Variants in AFF1 observed in about 807,000 individuals in gnomAD.
AFF1 encodes ALF transcription elongation factor 1, also known as AF4/FMR2 family member 1.
AFF1 carries 48 observed loss-of-function variants against 121.7 expected under a neutral mutation model. The ratio of observed to expected loss-of-function variants is 0.39; its 90% CI spans 0.31 to 0.50. The LOEUF is 0.50. AFF1 is among the 20% of genes least tolerant of loss of function. The pLI, the probability that AFF1 is intolerant of heterozygous loss-of-function variation, is 0.76. For missense variants in AFF1, 1,523 were observed against 1,511.7 expected, an observed-to-expected ratio of 1.01 and a Z score of -0.12; for synonymous variants, 613 against 563.0, an observed-to-expected ratio of 1.09 and a Z score of -1.26.
Position 87,036,842 on chromosome 4 carries a change from C to G in AFF1, c.39-9324C>G, listed in dbSNP as rs368479451. ...TCTCTCTCTCCCCTCCCCCATCCCC[C>G]CTTTTTTTGAGACGGCTTCTTGCTC... On this transcript the variant is annotated intron_variant, in intron 2 of 20. Transcript: ENST00000395146. 3.2e-5 allele frequency: 16 copies of G among 500,436 alleles called. No individual in the cohort carries two copies. In the Middle Eastern group the frequency reaches 9.6e-4, roughly 30 times the overall value. 31.0% of individuals were successfully genotyped at this position (500,436 alleles called of 1,614,324 possible).
chr4:86,939,052 G>A (rs1181089481), intron 1 of AFF1, among the ~76,000 whole-genome samples: 1 of 152,160 alleles, frequency 6.6e-6, no homozygotes, highest in Non-Finnish European at 1.5e-5. Flanking sequence ...CTAATACCGC[G>A]TAAGTATTGA....
At chr4:87,098,331 GTTAGTGCAA>G (rs1395343062) in intron 8 of AFF1, among the ~76,000 whole-genome samples, 1 of 152,210 alleles carries the variant, frequency 6.6e-6, no homozygotes, top group Non-Finnish European at 1.5e-5. Flanking sequence ...TAGCTAGGAT[GTTAGTGCAA>G]TTTGCCCCTA....
At chr4:86,987,812 G>A (rs1469963176) in intron 2 of AFF1, among the ~76,000 whole-genome samples, 1 of 151,994 alleles carries the variant, frequency 6.6e-6, no homozygotes, top group Non-Finnish European at 1.5e-5. Context: ...AATTAGCTGG[G>A]CATGGTGGCA....
chr4:87,035,816 G>T (rs1256420603), intron 2 of AFF1, among the ~76,000 whole-genome samples: 1 of 152,210 alleles, frequency 6.6e-6, no homozygotes, highest in Non-Finnish European at 1.5e-5. Context: ...GTTGGGGAAT[G>T]AATTAAAGGA....
At chr4:87,008,937 T>C (rs1164622922) in intron 2 of AFF1, among the ~76,000 whole-genome samples, 1 of 152,160 alleles carries the variant, frequency 6.6e-6, no homozygotes, top group Non-Finnish European at 1.5e-5. Flanking sequence ...AGTGCTGTTA[T>C]TGTCAGACTG....
chr4:87,084,354 C>G (rs1477214903), intron 5 of AFF1, among the ~76,000 whole-genome samples, 190 bp downstream of exon 5: 3 of 151,994 alleles, frequency 2.0e-5, no homozygotes, highest in African/African-American at 7.3e-5. Flanking sequence ...GCCTGGACAA[C>G]ATAGCAAAAC....
rs1273702680 is a variant in AFF1, at chr4:87,125,076, C to T, written c.2506C>T (p.Leu836=). The part of the protein sequence containing the change: ...ERDCDNKKIR[L]EKEIKSQSSS... Reference sequence around the variant, plus strand: ...AGACTGTGATAACAAGAAAATCAGACTGGAGAAGGAAATCAAATCACAGTC... The same window carrying T: ...AGACTGTGATAACAAGAAAATCAGATTGGAGAAGGAAATCAAATCACAGTC... The change falls in exon 13 of 21, where the codon CTG becomes TTG. Residue 836 remains leucine, a synonymous_variant. Coordinates refer to ENST00000395146, the MANE Select transcript of AFF1 (RefSeq NM_001166693.3). 4 of 1,609,160 alleles carry T rather than the reference C, an allele frequency of 2.5e-6. No homozygotes were observed. In the African/African-American group the frequency reaches 4.0e-5, roughly 16 times the overall value.
At chr4:87,097,720 T>C (rs1009638237) in intron 8 of AFF1, among the ~76,000 whole-genome samples, 8 of 151,948 alleles carry the variant, frequency 5.3e-5, no homozygotes, top group Non-Finnish European at 1.2e-4. Flanking sequence ...GACTTGGTGA[T>C]TATGTGGGGG....
chr4:87,125,092 A>C lies in AFF1; in HGVS notation c.2522A>C (p.Lys841Thr). ...NKKIRLEKEI[K>T]SQSSSSSSSH... ...AAAATCAGACTGGAGAAGGAAATCA[A>C]ATCACAGTCATCTTCATCTTCATCC... is the stretch of plus-strand genomic sequence containing the variant. The change falls in exon 13 of 21, where the codon AAA becomes ACA. Residue 841 changes from lysine to threonine, a missense_variant. This residue lies in a region of AFF1 where 905 missense variants were observed against 842.5 expected (regional missense o/e 1.07). Coordinates refer to ENST00000395146, the MANE Select transcript of AFF1 (RefSeq NM_001166693.3). The C allele has an allele frequency of 6.2e-7, 1 of 1,610,774 alleles. No individual in the cohort carries two copies. Among genetic ancestry groups the C allele is most frequent in the Non-Finnish European group, 8.5e-7 (1 of 1,178,192 alleles).
At chr4:87,113,935 G>A (rs1329610376) in intron 11 of AFF1, among the ~76,000 whole-genome samples, 1 of 152,096 alleles carries the variant, frequency 6.6e-6, no homozygotes, top group Non-Finnish European at 1.5e-5. Context: ...TCAAAAAAAG[G>A]ATAAAATGTG....
intron 2 of AFF1, among the ~76,000 whole-genome samples, chr4:86,974,295 A>T (rs2149483198): frequency 6.6e-6 from 1 of 152,190 alleles, no homozygotes; most frequent in South Asian, 2.1e-4. Flanking sequence ...TTACAGGCAC[A>T]TGCCACCACG....
At chr4:87,046,023 T>C in intron 2 of AFF1, 143 bp from the exon 3 acceptor site, 1 of 1,044,652 alleles carries the variant, frequency 9.6e-7, no homozygotes, top group Non-Finnish European at 1.4e-6. Flanking sequence ...GTTAAGGAAC[T>C]TAGGCTTTCT....
chr4:87,047,275 A>G lies in AFF1; in HGVS notation c.740A>G (p.Tyr247Cys), dbSNP rs753869093. 59 of 1,614,184 alleles carry G rather than the reference A, an allele frequency of 3.7e-5. No homozygotes were observed. The highest frequency in any genetic ancestry group is 3.3e-4 in the Middle Eastern group (2 of 6,062). The change falls in exon 4 of 21, where the codon TAT becomes TGT. Residue 247 changes from tyrosine to cysteine, a missense_variant. Physicochemically the swap from Tyr to Cys is radical, Grantham distance 194 (BLOSUM62 -2). Coordinates refer to ENST00000395146, the MANE Select transcript of AFF1 (RefSeq NM_001166693.3). ...VHGSSNNSKG[Y>C]CPAKSPKDLA... The stretch of plus-strand genomic sequence containing the variant: ...GGCAGCAGCAATAACAGTAAAGGCT[A>G]TTGCCCAGCCAAATCTCCCAAGGAC...
At chr4:86,985,776 TAATA>T (rs1330742902) in intron 2 of AFF1, among the ~76,000 whole-genome samples, 1 of 151,962 alleles carries the variant, frequency 6.6e-6, no homozygotes, top group Non-Finnish European at 1.5e-5. Context: ...AAAAAAATAA[TAATA>T]AAAGAATCAA....
chr4:86,981,096 TCTGC>T (rs1464030202), intron 2 of AFF1, among the ~76,000 whole-genome samples: 1 of 152,108 alleles, frequency 6.6e-6, no homozygotes, highest in Non-Finnish European at 1.5e-5. Context: ...CACTGCAAGC[TCTGC>T]CTGCCAGGTT....
chr4:87,135,847 C>G lies in AFF1; in HGVS notation c.*146C>G. 4.8e-6 allele frequency: 6 copies of G among 1,255,796 alleles called. No homozygotes were observed. Among genetic ancestry groups the G allele is most frequent in the Non-Finnish European group, 5.3e-6 (5 of 941,634 alleles). 77.8% of individuals were successfully genotyped at this position (1,255,796 alleles called of 1,614,324 possible). On this transcript the variant is annotated 3_prime_UTR_variant, in exon 21 of 21. Coordinates refer to ENST00000395146, the MANE Select transcript of AFF1 (RefSeq NM_001166693.3). ...GCCAGGACATTTGTCCACTTAAACT[C>G]TCAACAACAGTGTGATCATTGGTTG... is the stretch of plus-strand genomic sequence containing the variant.
At chr4:86,942,484 A>G (rs1446729729) in intron 1 of AFF1, among the ~76,000 whole-genome samples, 4 of 152,206 alleles carry the variant, frequency 2.6e-5, no homozygotes, top group East Asian at 3.8e-4. Flanking sequence ...CAGCACTGCT[A>G]TTTTCCTACT....
At chr4:87,026,185 A>G (rs1217657281) in intron 2 of AFF1, among the ~76,000 whole-genome samples, 1 of 151,992 alleles carries the variant, frequency 6.6e-6, no homozygotes, top group Non-Finnish European at 1.5e-5. Flanking sequence ...AGCCTGGGCA[A>G]CAAGAGTGAA....
intron 4 of AFF1, among the ~76,000 whole-genome samples, chr4:87,064,596 C>T (rs1033700990): frequency 6.6e-5 from 10 of 151,942 alleles, no homozygotes; most frequent in East Asian, 1.9e-4. Flanking sequence ...TAAAAATTAG[C>T]GGCTGGGCAC....
Sources: allele counts gnomAD v4.1 joint callset (sites outside exome capture counted in the v4.1 genomes callset), GRCh38; gene constraint gnomAD v4.1.1; regional missense constraint gnomAD v4.1.1; transcripts MANE v1.5; gene names NCBI Gene and HGNC (gene_info 2026-07-23, HGNC 2026-07-21).